AKAP7: variants seen among roughly 807,000 people sequenced by gnomAD.
The protein encoded by AKAP7 is A-kinase anchoring protein 7.
A neutral mutation model predicts 39.5 loss-of-function variants in AKAP7; 39 were observed. That is an observed-to-expected ratio of 0.99 (90% CI 0.76 to 1.29). AKAP7 has a LOEUF of 1.29. Ranked by LOEUF, AKAP7 falls within the 50% of genes most tolerant of loss-of-function variation. AKAP7 has a pLI of 0.00. For synonymous variants in AKAP7, 140 were observed against 139.1 expected, an observed-to-expected ratio of 1.01 and a Z score of -0.05; for missense variants, 414 against 407.7, an observed-to-expected ratio of 1.02 and a Z score of -0.13.
chr6:131,158,610 C>G (rs74863972), intron 2 of AKAP7, among the ~76,000 whole-genome samples: 1 of 151,946 alleles, frequency 6.6e-6, no homozygotes, highest in Non-Finnish European at 1.5e-5. Flanking sequence ...TGGGTTCAAG[C>G]GATTTTGTGC....
chr6:131,208,009 C>T (rs1409290254), intron 6 of AKAP7, among the ~76,000 whole-genome samples: 1 of 152,128 alleles, frequency 6.6e-6, no homozygotes, highest in Non-Finnish European at 1.5e-5. Flanking sequence ...GTTTTTGAGT[C>T]ACTTTTCATA....
At chr6:131,140,199 C>T (rs149072326) in intron 1 of AKAP7, among the ~76,000 whole-genome samples, 114 of 152,156 alleles carry the variant, frequency 7.5e-4, no homozygotes, top group African/African-American at 2.6e-3. Context: ...AAAAAAATAC[C>T]AGAGGTTGGC....
rs188059635 is a variant in AKAP7 at position 131,164,692 on chromosome 6, G to T, written c.292-389G>T. Among the ~76,000 whole-genome samples the T allele has an allele frequency of 1.1e-3, 160 of 152,200 alleles. 1 individual carries two copies. The highest frequency in any genetic ancestry group is 3.7e-3 in the African/African-American group (153 of 41,528). On this transcript the variant is annotated intron_variant, in intron 3 of 7. Transcript: ENST00000431975. ...TTGTCTGCTGGCTTGACCTTTCTGTGGCAAGAATAAAGCCTTATTCTTAGG... is the reference window on the plus strand; with the variant it reads ...TTGTCTGCTGGCTTGACCTTTCTGTTGCAAGAATAAAGCCTTATTCTTAGG...
chr6:131,241,448 T>A (rs1472951729), intron 7 of AKAP7, among the ~76,000 whole-genome samples: 2 of 152,052 alleles, frequency 1.3e-5, no homozygotes, highest in African/African-American at 2.4e-5. Context: ...CAATTGGTGG[T>A]ACAGGATAAA....
chr6:131,203,461 C>T (rs1807806781), intron 6 of AKAP7, among the ~76,000 whole-genome samples: 1 of 151,788 alleles, frequency 6.6e-6, no homozygotes, highest in Admixed American at 6.6e-5. Context: ...TTTTTTTAAT[C>T]CACTTGCATG....
chr6:131,181,538 T>C (rs1746468), intron 5 of AKAP7, among the ~76,000 whole-genome samples: 20,272 of 152,234 alleles, frequency 0.13, 1,730 homozygotes, highest in Middle Eastern at 0.19. Flanking sequence ...AACTAAGCAT[T>C]TTTATGCTCC....
At chr6:131,146,089 G>A (rs1801463363) in intron 2 of AKAP7, among the ~76,000 whole-genome samples, 1 of 152,096 alleles carries the variant, frequency 6.6e-6, no homozygotes, top group Admixed American at 6.5e-5. Context: ...CTAGCTGTTT[G>A]GTATCCTCTA....
At position 131,241,627 on chromosome 6, in the gene AKAP7, G is replaced by GTGTGTGTGTGTGTGTGTGTA; in HGVS notation, c.850+21820_850+21821insGTGTGTGTGTGTGTGTGTAT. Reference sequence around the variant, plus strand: ...TGTGTGTGTGTGTGTGTGTGTGTGTGTATATATATATGACAGTTATAGGAT... The same window carrying GTGTGTGTGTGTGTGTGTGTA: ...TGTGTGTGTGTGTGTGTGTGTGTGTGTGTGTGTGTGTGTGTGTGTATATATATATATGACAGTTATAGGAT... On this transcript the variant is annotated intron_variant, in intron 7 of 7. Coordinates refer to ENST00000431975, the MANE Select transcript of AKAP7 (RefSeq NM_016377.4). 1.1e-3 allele frequency among the ~76,000 whole-genome samples: 97 copies of GTGTGTGTGTGTGTGTGTGTA among 86,670 alleles called. 3 individuals are homozygous for GTGTGTGTGTGTGTGTGTGTA. The highest frequency in any genetic ancestry group is 4.5e-3 in the African/African-American group (91 of 20,054). 56.9% of individuals were successfully genotyped at this position (86,670 alleles called of 152,430 possible).
intron 6 of AKAP7, among the ~76,000 whole-genome samples, chr6:131,218,860 A>C (rs1809437835): frequency 6.6e-6 from 1 of 152,248 alleles, no homozygotes; most frequent in African/African-American, 2.4e-5. Context: ...TTACATAAGA[A>C]ATTTAAAAAT....
chr6:131,207,698 A>G (rs139019841), intron 6 of AKAP7, among the ~76,000 whole-genome samples: 145 of 151,842 alleles, frequency 9.5e-4, no homozygotes, highest in African/African-American at 3.3e-3. Context: ...ATTATGTGGA[A>G]GTGCTGGTGG....
intron 5 of AKAP7, among the ~76,000 whole-genome samples, chr6:131,192,190 C>T (rs193228835): frequency 3.4e-3 from 522 of 152,216 alleles, no homozygotes; most frequent in Non-Finnish European, 5.6e-3. Context: ...AGAGTTTCTC[C>T]ACTGTTTTCT....
intron 6 of AKAP7, among the ~76,000 whole-genome samples, chr6:131,216,325 G>A (rs1031853498): frequency 1.3e-5 from 2 of 152,044 alleles, no homozygotes; most frequent in Non-Finnish European, 2.9e-5. Flanking sequence ...GCCCTCTTTG[G>A]TACATATTAA....
At chr6:131,169,554 G>A (rs1001279392) in intron 5 of AKAP7, among the ~76,000 whole-genome samples, 2 of 152,124 alleles carry the variant, frequency 1.3e-5, no homozygotes, top group African/African-American at 4.8e-5. Flanking sequence ...AGAGCCAGTT[G>A]GTGAATCAGC....
intron 5 of AKAP7, among the ~76,000 whole-genome samples, chr6:131,195,976 T>C (rs564339297): frequency 6.6e-6 from 1 of 152,328 alleles, no homozygotes; most frequent in African/African-American, 2.4e-5. Context: ...TACTTGAATA[T>C]TGACGTCTTT....
chr6:131,219,730 T>A lies in AKAP7; in HGVS notation c.772T>A (p.Tyr258Asn), dbSNP rs200644883. 2.2e-4 allele frequency: 355 copies of A among 1,598,538 alleles called. 2 individuals are homozygous for A. Among genetic ancestry groups the A allele is most frequent in the Non-Finnish European group, 2.3e-4 (264 of 1,171,414 alleles). The change falls in exon 7 of 8, where the codon TAT (tyrosine) becomes AAT (asparagine). Residue 258 changes from tyrosine (Y) to asparagine (N), a missense_variant. Physicochemically the swap from Tyr to Asn is moderately radical, Grantham distance 143. Transcript: ENST00000431975. Reference sequence around the variant, plus strand: ...TCACAGATTTGGAGAAGAAATATTATATCGCATAGATCTTTGCTCCATGCT... The same window carrying A: ...TCACAGATTTGGAGAAGAAATATTAAATCGCATAGATCTTTGCTCCATGCT... ...ISHRFGEEIL[Y>N]RIDLCSMLKK... is the part of the protein sequence containing the mutation.
chr6:131,188,726 T>C (rs939977240), intron 5 of AKAP7, among the ~76,000 whole-genome samples: 31 of 151,508 alleles, frequency 2.0e-4, no homozygotes, highest in Admixed American at 1.3e-4. Context: ...TCTTTTTTTT[T>C]TTTTTTTGTA....
Position 131,138,513 on chromosome 6 carries a change from GAGC to G in AKAP7, c.19+2734_19+2736del, listed in dbSNP as rs554883234. 2.1e-3 allele frequency among the ~76,000 whole-genome samples: 327 copies of G among 152,310 alleles called. 2 individuals carry two copies. Among genetic ancestry groups the G allele is most frequent in the African/African-American group, 7.2e-3 (300 of 41,572 alleles). ...TGAGCATGGATGATAGATAACCAGA[GAGC>G]AGTAAGAAGAACATCGGAAGAATAT... is the stretch of plus-strand genomic sequence containing the variant. On this transcript the variant is annotated intron_variant, in intron 1 of 7. Coordinates refer to ENST00000431975, the MANE Select transcript of AKAP7 (RefSeq NM_016377.4).
chr6:131,165,069 A>G lies in AKAP7; in HGVS notation c.292-12A>G, dbSNP rs775062460. The G allele has an allele frequency of 6.3e-6, 10 of 1,582,900 alleles. No homozygotes were observed. The highest frequency in any genetic ancestry group is 8.6e-6 in the Non-Finnish European group (10 of 1,168,664). On this transcript the variant is annotated splice_polypyrimidine_tract_variant and intron_variant, in intron 3 of 7. Coordinates refer to ENST00000431975, the MANE Select transcript of AKAP7 (RefSeq NM_016377.4). ...ACTGGAATTTTTTTTATATGTGTGT[A>G]TGTGTTATTAGATTATAAAAGGAAT...
Position 131,135,614 on chromosome 6 carries a change from T to C in AKAP7, c.-150T>C. The stretch of plus-strand genomic sequence containing the variant: ...CTCCGCCGCCCGGGCCCCCGCAGCC[T>C]GTCGCTGGACCCCGCGCCGGCCCAG... On this transcript the variant is annotated 5_prime_UTR_variant, in exon 1 of 8. Transcript: ENST00000431975. 1 of 662,570 alleles carries C rather than the reference T, an allele frequency of 1.5e-6. No individual in the cohort carries two copies. The highest frequency in any genetic ancestry group is 1.9e-6 in the Non-Finnish European group (1 of 533,528). The allele number at this position is 662,570 out of a possible 1,614,324, so 41.0% of individuals were successfully genotyped here. A position where few individuals can be genotyped will look rare whatever the true frequency, so the allele number is the denominator to read the frequency against.
Sources: gnomAD v4.1 joint callset for allele counts (sites outside exome capture counted in the v4.1 genomes callset) on GRCh38, gnomAD v4.1.1 for gene constraint, MANE v1.5 for transcripts, NCBI Gene and HGNC (gene_info 2026-07-23, HGNC 2026-07-21) for gene names.